Variants in STARD10 observed in about 807,000 individuals in gnomAD.
STARD10 encodes the protein START domain-containing protein 10.
Under a neutral mutation model 36.0 loss-of-function variants are expected in STARD10, and 24 were observed. The ratio of observed to expected loss-of-function variants is 0.67; its 90% CI spans 0.48 to 0.94. The LOEUF (loss-of-function observed/expected upper bound fraction) is 0.94. Among genes scored for constraint, STARD10 ranks in the 40% least tolerant of loss-of-function variants. The probability of loss-of-function intolerance (pLI) is 0.00; values close to 1 mark genes in which losing one functional copy is unlikely to be tolerated. For missense variants in STARD10, 335 were observed against 396.6 expected (o/e 0.84, Z 1.32); for synonymous variants, 156 against 161.9 (o/e 0.96, Z 0.28).
chr11:72,755,520 A>C (rs766901787), intron 6 of STARD10, 181 bp downstream of exon 6: 12 of 704,804 alleles, frequency 1.7e-5, no homozygotes, highest in Middle Eastern at 2.4e-4. Context: ...CATGTTGGCC[A>C]GGCTGGTCTT....
intron 2 of STARD10, among the ~76,000 whole-genome samples, chr11:72,768,747 T>TC (rs1020142507): frequency 6.6e-6 from 1 of 152,112 alleles, no homozygotes; most frequent in Non-Finnish European, 1.5e-5. Flanking sequence ...CCCCAGCAGC[T>TC]CCCCCCTCAG....
intron 3 of STARD10, among the ~76,000 whole-genome samples, chr11:72,759,020 G>A (rs571855613): frequency 2.6e-5 from 4 of 152,354 alleles, no homozygotes; most frequent in Admixed American, 6.5e-5. Flanking sequence ...ATGTATATAC[G>A]TGAACATGTG....
At chr11:72,779,350 G>C (rs1176703203) in intron 2 of STARD10, among the ~76,000 whole-genome samples, 1 of 152,208 alleles carries the variant, frequency 6.6e-6, no homozygotes. Context: ...GACAGGACCT[G>C]AGAGGCTGAA....
At chr11:72,790,147 C>T (rs1859123044) in intron 1 of STARD10, among the ~76,000 whole-genome samples, 1 of 152,258 alleles carries the variant, frequency 6.6e-6, no homozygotes, top group South Asian at 2.1e-4. Flanking sequence ...CTTACCTCTC[C>T]ATCTTCCCAA....
chr11:72,776,902 G>T (rs1858935972), intron 2 of STARD10, among the ~76,000 whole-genome samples: 2 of 152,112 alleles, frequency 1.3e-5, no homozygotes, highest in Admixed American at 6.5e-5. Flanking sequence ...AGACAGGGCT[G>T]GGAGGGGCCG....
rs1286516641 is a variant in STARD10, at chr11:72,754,868, C to T, written c.*29G>A. The T allele has an allele frequency of 6.3e-7, 1 of 1,587,454 alleles. No homozygotes were observed. The highest frequency in any genetic ancestry group is 8.5e-7 in the Non-Finnish European group (1 of 1,172,550). ...CCGCCGCCCCAGGGCTCGCCCGGTC[C>T]TGTCTCCGTCCCTGAAGCGGTGCGG... On this transcript the variant is annotated 3_prime_UTR_variant, in exon 7 of 7. Transcript: ENST00000334805.
intron 2 of STARD10, among the ~76,000 whole-genome samples, chr11:72,761,749 A>G (rs572304782): frequency 6.6e-6 from 1 of 152,048 alleles, no homozygotes; most frequent in African/African-American, 2.4e-5. Context: ...ATCTTAAAAA[A>G]CAAACAAAAA....
intron 1 of STARD10, among the ~76,000 whole-genome samples, chr11:72,784,809 A>G (rs953688094): frequency 6.6e-5 from 10 of 152,198 alleles, no homozygotes; most frequent in Admixed American, 1.3e-4. Flanking sequence ...GTGGGCATAG[A>G]AGGTGAGACT....
In STARD10 at chr11:72,781,260, C is replaced by A; in HGVS notation, c.-79G>T. 7.6e-7 allele frequency: 1 copy of A among 1,316,304 alleles called. No individual in the cohort carries two copies. Among genetic ancestry groups the A allele is most frequent in the Non-Finnish European group, 1.1e-6 (1 of 946,126 alleles). 81.5% of individuals were successfully genotyped at this position (1,316,304 alleles called of 1,614,324 possible). A position where few individuals can be genotyped will look rare whatever the true frequency, so the allele number is the denominator to read the frequency against. ...TCCGCGGAGGCTCCGACAACGTCGA[C>A]GCGGCTGCAGATGCTGACGCCACCT... On this transcript the variant is annotated 5_prime_UTR_variant, in exon 2 of 7. Coordinates refer to ENST00000334805, the MANE Select transcript of STARD10 (RefSeq NM_006645.3). The surrounding 1 kb of genome is among the most constrained non-coding windows in gnomAD (Gnocchi z 4.7).
chr11:72,787,827 G>A, intron 1 of STARD10, among the ~76,000 whole-genome samples: 1 of 152,212 alleles, frequency 6.6e-6, no homozygotes, highest in Non-Finnish European at 1.5e-5. Context: ...CTCCAGCCCT[G>A]GGACCACAGC....
At chr11:72,766,457 A>G (rs1187668025) in intron 2 of STARD10, among the ~76,000 whole-genome samples, 1 of 152,230 alleles carries the variant, frequency 6.6e-6, no homozygotes, top group African/African-American at 2.4e-5. Flanking sequence ...ACTGCATGGT[A>G]GAGTGCACCT....
chr11:72,763,430 A>T (rs563363266), intron 2 of STARD10, among the ~76,000 whole-genome samples: 1 of 152,336 alleles, frequency 6.6e-6, no homozygotes, highest in East Asian at 1.9e-4. Context: ...GATCAAAGGG[A>T]ATCTCATTAA....
chr11:72,782,755 T>C (rs987376505), intron 1 of STARD10, among the ~76,000 whole-genome samples: 2 of 152,176 alleles, frequency 1.3e-5, no homozygotes, highest in African/African-American at 4.8e-5. Context: ...TGGGTCCTAG[T>C]GCCAGCTCTT....
intron 2 of STARD10, among the ~76,000 whole-genome samples, chr11:72,777,938 GGAGA>G (rs1173663821): frequency 1.3e-5 from 2 of 152,192 alleles, no homozygotes; most frequent in Non-Finnish European, 2.9e-5. Flanking sequence ...GGCTGAGGCA[GGAGA>G]GGGGAGGGGG....
intron 1 of STARD10, among the ~76,000 whole-genome samples, chr11:72,785,087 A>G (rs1232844972): frequency 6.6e-6 from 1 of 152,038 alleles, no homozygotes; most frequent in African/African-American, 2.4e-5. Context: ...CTACCCCCTG[A>G]TGGCTGTTGG....
chr11:72,770,032 C>T (rs915725449), intron 2 of STARD10, among the ~76,000 whole-genome samples: 1 of 152,222 alleles, frequency 6.6e-6, no homozygotes, highest in Non-Finnish European at 1.5e-5. Context: ...AGGATACAAA[C>T]TAGTACCCGT....
intron 2 of STARD10, among the ~76,000 whole-genome samples, chr11:72,773,215 G>A (rs1347022146): frequency 6.6e-6 from 1 of 152,214 alleles, no homozygotes; most frequent in African/African-American, 2.4e-5. Context: ...AGGGACAGGG[G>A]AACAGAGATG....
intron 1 of STARD10, among the ~76,000 whole-genome samples, chr11:72,787,200 G>A (rs1435912987): frequency 6.6e-6 from 1 of 151,910 alleles, no homozygotes; most frequent in Non-Finnish European, 1.5e-5. Context: ...GCCTGGCCAA[G>A]CCATTATACA....
chr11:72,781,303 C>G lies in STARD10; in HGVS notation c.-113-9G>C. Reference sequence around the variant, plus strand: ...CGCCACCTTCCTGGGACCTGCAAGACCGGTTTGGGGACGGGAATCAGTGCG... The same window carrying G: ...CGCCACCTTCCTGGGACCTGCAAGAGCGGTTTGGGGACGGGAATCAGTGCG... On this transcript the variant is annotated splice_polypyrimidine_tract_variant and intron_variant, in intron 1 of 6. Coordinates refer to ENST00000334805, the MANE Select transcript of STARD10 (RefSeq NM_006645.3). The surrounding 1 kb of genome is among the most constrained non-coding windows in gnomAD (Gnocchi z 4.7). 1 of 823,566 alleles carries G rather than the reference C, an allele frequency of 1.2e-6. No homozygotes were observed. The highest frequency in any genetic ancestry group is 1.9e-6 in the Non-Finnish European group (1 of 525,250). 51.0% of individuals were successfully genotyped at this position (823,566 alleles called of 1,614,324 possible). A position where few individuals can be genotyped will look rare whatever the true frequency, so the allele number is the denominator to read the frequency against.
Sources: allele counts gnomAD v4.1 joint callset (sites outside exome capture counted in the v4.1 genomes callset), GRCh38; gene constraint gnomAD v4.1.1; non-coding constraint Gnocchi (gnomAD v3.1); transcripts MANE v1.5; gene names NCBI Gene and HGNC (gene_info 2026-07-23, HGNC 2026-07-21).